The following ASB15 variants were observed in gnomAD, a reference collection of about 807,000 sequenced individuals.
ASB15 encodes the protein ankyrin repeat and SOCS box protein 15.
A neutral mutation model predicts 58.0 loss-of-function variants in ASB15; 54 were observed. That is an observed-to-expected ratio of 0.93 (90% confidence interval 0.75 to 1.17). The LOEUF (loss-of-function observed/expected upper bound fraction) is 1.17, where lower values mean the gene tolerates loss of function less well. Among genes scored for constraint, ASB15 ranks in the 50% most tolerant of loss-of-function variants. The pLI is 0.00. For missense variants in ASB15, 680 were observed against 707.4 expected (o/e 0.96, Z 0.44); for synonymous variants, 249 against 262.4 (o/e 0.95, Z 0.50).
intron 3 of ASB15, chr7:123,612,206 T>C (rs1562927159): frequency 6.6e-6 from 1 of 152,240 alleles, no homozygotes. Context: ...TTGAACTTTG[T>C]CATCTACTGG....
chr7:123,606,180 A>T (rs957823812), intron 2 of ASB15, among the ~76,000 whole-genome samples: 1 of 152,118 alleles, frequency 6.6e-6, no homozygotes, highest in African/African-American at 2.4e-5. Context: ...ATTAATGGAA[A>T]ATAAACTATT....
chr7:123,571,031 C>A (rs1330299194), intron 1 of ASB15, among the ~76,000 whole-genome samples: 1 of 152,188 alleles, frequency 6.6e-6, no homozygotes, highest in Admixed American at 6.5e-5. Flanking sequence ...GGTTCAAGAA[C>A]CCCTAGCTGT....
intron 1 of ASB15, among the ~76,000 whole-genome samples, chr7:123,593,457 G>A (rs1435960479): frequency 6.6e-6 from 1 of 152,284 alleles, no homozygotes; most frequent in Non-Finnish European, 1.5e-5. Context: ...GCTCTTGTAA[G>A]GCAGGCCTGG....
chr7:123,572,385 C>A (rs1370680354), intron 1 of ASB15, among the ~76,000 whole-genome samples: 2 of 151,508 alleles, frequency 1.3e-5, no homozygotes, highest in African/African-American at 4.8e-5. Context: ...ATGATCCGCC[C>A]GCCTCAGCCT....
At chr7:123,625,567 C>T (rs1267293781) in intron 8 of ASB15, among the ~76,000 whole-genome samples, 3 of 152,160 alleles carry the variant, frequency 2.0e-5, no homozygotes, top group Admixed American at 6.5e-5. Context: ...CAGGTCCTTG[C>T]CTTTATCTCT....
At chr7:123,598,300 A>C (rs1799764838), upstream of ASB15, among the ~76,000 whole-genome samples, 1 of 152,180 alleles carries the variant, frequency 6.6e-6, no homozygotes, top group Non-Finnish European at 1.5e-5. Context: ...AATGATATGA[A>C]ATAACAAGAG....
chr7:123,594,570 G>A (rs746127070), intron 1 of ASB15, among the ~76,000 whole-genome samples: 22 of 152,116 alleles, frequency 1.4e-4, no homozygotes, highest in Non-Finnish European at 4.4e-5. Context: ...GTTTGCTGGA[G>A]GTCCACTCCA....
rs144651712 is a variant in ASB15 at position 123,627,268 on chromosome 7, G to A, written c.856G>A (p.Glu286Lys). Residue 286 changes from glutamate to lysine, a missense_variant, in exon 9 of 12, where the codon GAG (glutamate) becomes AAG (lysine). By Grantham distance (56) the Glu-to-Lys change is moderately conservative. Transcript: ENST00000451215. ...TCTTCCTATACACCGAGCTGCCTATGAGGGGCATTATCTGTGAGTGATAAA... is the reference window on the plus strand; with the variant it reads ...TCTTCCTATACACCGAGCTGCCTATAAGGGGCATTATCTGTGAGTGATAAA... ...GHLPIHRAAY[E>K]GHYLALKYLI... 49 of 1,612,798 alleles carry A rather than the reference G, an allele frequency of 3.0e-5. No individual in the cohort carries two copies. Among genetic ancestry groups the A allele is most frequent in the Non-Finnish European group, 4.2e-5 (49 of 1,179,000 alleles).
At chr7:123,633,969 G>A (rs1802276572) in intron 11 of ASB15, among the ~76,000 whole-genome samples, 2 of 152,278 alleles carry the variant, frequency 1.3e-5, no homozygotes, top group African/African-American at 2.4e-5. Flanking sequence ...TTCAAAAAGG[G>A]TAATGATTTC....
chr7:123,635,440 A>T (rs2116690702), intron 11 of ASB15, among the ~76,000 whole-genome samples: 1 of 152,292 alleles, frequency 6.6e-6, no homozygotes, highest in South Asian at 2.1e-4. Flanking sequence ...AGATAAGTTA[A>T]TTTCTCATAG....
At chr7:123,589,471 GCC>G (rs34599459) in intron 1 of ASB15, among the ~76,000 whole-genome samples, 2 of 151,382 alleles carry the variant, frequency 1.3e-5, no homozygotes, top group African/African-American at 4.9e-5. Context: ...CCCTCCTCCA[GCC>G]CCCCACCTCT....
chr7:123,630,313 G>C (rs1166777722), intron 11 of ASB15, among the ~76,000 whole-genome samples, 194 bp downstream of exon 11: 1 of 152,048 alleles, frequency 6.6e-6, no homozygotes, highest in South Asian at 2.1e-4. Context: ...TTCCAGCTTT[G>C]TAATTGTATA....
chr7:123,606,846 A>G (rs1012147001), intron 2 of ASB15, among the ~76,000 whole-genome samples: 1 of 152,106 alleles, frequency 6.6e-6, no homozygotes, highest in Non-Finnish European at 1.5e-5. Flanking sequence ...TCATTTATTC[A>G]TCTGTCAATG....
chr7:123,580,986 C>A (rs1799218473), intron 1 of ASB15, among the ~76,000 whole-genome samples: 1 of 151,522 alleles, frequency 6.6e-6, no homozygotes, highest in East Asian at 1.9e-4. Context: ...GGAAACCAAA[C>A]CAACAGGCGT....
At chr7:123,616,187 T>C in intron 4 of ASB15, 34 bp from the exon 5 acceptor site, 1 of 1,483,806 alleles carries the variant, frequency 6.7e-7, no homozygotes, top group Non-Finnish European at 9.4e-7. Context: ...ATCACTAGTA[T>C]CTAGTATAAA....
upstream of ASB15, among the ~76,000 whole-genome samples, chr7:123,600,302 T>C (rs1562919101): frequency 1.3e-5 from 2 of 152,242 alleles, no homozygotes; most frequent in African/African-American, 2.4e-5. Flanking sequence ...TATCATTATA[T>C]GCATTATTTT....
chr7:123,573,024 A>G (rs1251869644), intron 1 of ASB15, among the ~76,000 whole-genome samples: 1 of 152,086 alleles, frequency 6.6e-6, no homozygotes, highest in Non-Finnish European at 1.5e-5. Context: ...TTTTAACAAC[A>G]TCTAAATGTG....
At chr7:123,567,469 T>A in intron 1 of ASB15, among the ~76,000 whole-genome samples, 1 of 152,192 alleles carries the variant, frequency 6.6e-6, no homozygotes, top group Non-Finnish European at 1.5e-5. Context: ...AGAGCTCTTG[T>A]TTATCCAAAA....
upstream of ASB15, among the ~76,000 whole-genome samples, chr7:123,597,558 G>A (rs114803405): frequency 0.017 from 2,554 of 152,244 alleles, 75 homozygotes; most frequent in African/African-American, 0.058. Flanking sequence ...CTGGCCAGAC[G>A]TGGTGGCTCA....
Sources: allele counts gnomAD v4.1 joint callset (sites outside exome capture counted in the v4.1 genomes callset), GRCh38; gene constraint gnomAD v4.1.1; transcripts MANE v1.5; gene names NCBI Gene and HGNC (gene_info 2026-07-23, HGNC 2026-07-21).